KIAA1958: variants seen among roughly 807,000 people sequenced by gnomAD.
The protein encoded by KIAA1958 is KIAA1958, also known as uncharacterized protein KIAA1958.
KIAA1958 carries 14 observed loss-of-function variants against 47.2 expected under a neutral mutation model. That is an observed-to-expected ratio of 0.30 (90% CI 0.20 to 0.46). KIAA1958 has a LOEUF of 0.46. Ranked by LOEUF, KIAA1958 falls within the 20% of genes least tolerant of loss-of-function variation. The pLI is 1.00. For synonymous variants in KIAA1958, 354 were observed against 353.3 expected, an observed-to-expected ratio of 1.00 and a Z score of -0.02; for missense variants, 803 against 909.2, an observed-to-expected ratio of 0.88 and a Z score of 1.50.
chr9:112,614,011 A>G (rs1588040269), intron 2 of KIAA1958, among the ~76,000 whole-genome samples: 5 of 152,342 alleles, frequency 3.3e-5, no homozygotes, highest in Admixed American at 2.0e-4. Context: ...AACTAATAGA[A>G]TGCAATGTCC....
chr9:112,644,842 A>G (rs1294225391), intron 2 of KIAA1958, among the ~76,000 whole-genome samples: 1 of 152,100 alleles, frequency 6.6e-6, no homozygotes, highest in African/African-American at 2.4e-5. Flanking sequence ...TAAAAAAAAA[A>G]TGCTAACACA....
chr9:112,628,293 T>G (rs1166317229), intron 2 of KIAA1958, among the ~76,000 whole-genome samples: 1 of 152,202 alleles, frequency 6.6e-6, no homozygotes, highest in African/African-American at 2.4e-5. Flanking sequence ...ATGCTGTATT[T>G]GGACACATTG....
chr9:112,634,323 G>A (rs1296032579), intron 2 of KIAA1958, among the ~76,000 whole-genome samples: 1 of 152,170 alleles, frequency 6.6e-6, no homozygotes, highest in South Asian at 2.1e-4. Flanking sequence ...CTACTTCCTG[G>A]GTTCAAGCGA....
intron 2 of KIAA1958, among the ~76,000 whole-genome samples, chr9:112,583,862 G>A (rs1257597735): frequency 1.3e-5 from 2 of 152,140 alleles, no homozygotes; most frequent in Non-Finnish European, 2.9e-5. Flanking sequence ...TACATGGGAA[G>A]CTTAAACTGT....
At chr9:112,564,997 A>G (rs1268292033) in intron 1 of KIAA1958, among the ~76,000 whole-genome samples, 1 of 152,244 alleles carries the variant, frequency 6.6e-6, no homozygotes, top group Non-Finnish European at 1.5e-5. Flanking sequence ...GTGATGAGTC[A>G]TAACAGTGCT....
In KIAA1958 at chr9:112,661,451, A is replaced by C. The variant is rs1004764930; in HGVS notation, c.*1382A>C. 1.3e-5 allele frequency: 2 copies of C among 152,212 alleles called. No homozygotes were observed. Among genetic ancestry groups the C allele is most frequent in the Non-Finnish European group, 2.9e-5 (2 of 68,036 alleles). 9.4% of individuals were successfully genotyped at this position (152,212 alleles called of 1,614,324 possible). A position where few individuals can be genotyped will look rare whatever the true frequency, so the allele number is the denominator to read the frequency against. On this transcript the variant is annotated 3_prime_UTR_variant, in exon 4 of 4. Coordinates refer to ENST00000337530, the MANE Select transcript of KIAA1958 (RefSeq NM_133465.4). ...GGAAAATCTTGTGTAACTTTATTCC[A>C]TTATGCTCCTAATATGCTTTCTAAT...
intron 1 of KIAA1958, among the ~76,000 whole-genome samples, chr9:112,515,708 C>T (rs1254073643): frequency 1.3e-5 from 1 of 79,922 alleles, no homozygotes; most frequent in Non-Finnish European, 2.5e-5. Context: ...AGAGTCATCA[C>T]CAATCCCTAA....
chr9:112,578,621 G>A (rs907238593), intron 2 of KIAA1958, among the ~76,000 whole-genome samples: 1 of 152,140 alleles, frequency 6.6e-6, no homozygotes, highest in South Asian at 2.1e-4. Flanking sequence ...CCCTACTTCT[G>A]TTCAGAGCTG....
Position 112,588,948 on chromosome 9 carries a change from TA to T in KIAA1958, c.1171+13710del, listed in dbSNP as rs796644924. Among the ~76,000 whole-genome samples, 322 of 141,886 alleles carry T rather than the reference TA, an allele frequency of 2.3e-3. 2 individuals carry two copies. Among genetic ancestry groups the T allele is most frequent in the Middle Eastern group, 3.6e-3 (1 of 278 alleles). 93.1% of individuals were successfully genotyped at this position (141,886 alleles called of 152,430 possible). On this transcript the variant is annotated intron_variant, in intron 2 of 3. Coordinates refer to ENST00000337530, the MANE Select transcript of KIAA1958 (RefSeq NM_133465.4). ...GAAAATTTCTTTCCTCTAATATGAC[TA>T]AAAAAAAAAAAATACAGGTCAGATC... is the stretch of plus-strand genomic sequence containing the variant.
chr9:112,637,301 CT>C (rs1467326256), intron 2 of KIAA1958, among the ~76,000 whole-genome samples: 19 of 152,116 alleles, frequency 1.2e-4, no homozygotes, highest in African/African-American at 4.6e-4. Context: ...GAACATCTGT[CT>C]TTATTTTTTA....
chr9:112,564,306 C>A (rs1835389810), intron 1 of KIAA1958, among the ~76,000 whole-genome samples: 1 of 152,136 alleles, frequency 6.6e-6, no homozygotes, highest in Admixed American at 6.5e-5. Flanking sequence ...CTTTTGTAGG[C>A]ATATAGTTAC....
chr9:112,658,833 A>C (rs1157395418), intron 3 of KIAA1958, among the ~76,000 whole-genome samples: 2 of 149,480 alleles, frequency 1.3e-5, no homozygotes, highest in Non-Finnish European at 2.9e-5. Flanking sequence ...ATCCTGGCTA[A>C]CACTGTGAAA....
intron 2 of KIAA1958, among the ~76,000 whole-genome samples, chr9:112,604,896 T>C (rs920878633): frequency 1.0e-4 from 15 of 147,940 alleles, no homozygotes; most frequent in African/African-American, 2.9e-4. Context: ...TATATATATA[T>C]AATAAATATT....
At chr9:112,633,894 C>T (rs891296545) in intron 2 of KIAA1958, among the ~76,000 whole-genome samples, 2 of 151,916 alleles carry the variant, frequency 1.3e-5, no homozygotes, top group African/African-American at 4.8e-5. Flanking sequence ...AGGGTTATTT[C>T]CAGTTTGAGG....
intron 2 of KIAA1958, among the ~76,000 whole-genome samples, chr9:112,609,378 T>G (rs1360556171): frequency 1.3e-5 from 2 of 152,110 alleles, no homozygotes; most frequent in African/African-American, 4.8e-5. Context: ...ACTAGTATAG[T>G]TTAAAGGACA....
At chr9:112,500,857 C>T (rs890904261) in intron 1 of KIAA1958, among the ~76,000 whole-genome samples, 1 of 151,452 alleles carries the variant, frequency 6.6e-6, no homozygotes, top group Admixed American at 6.6e-5. Context: ...ACCTGTAATC[C>T]CAGTATTTTG....
chr9:112,585,619 G>A (rs1835811316), intron 2 of KIAA1958, among the ~76,000 whole-genome samples: 1 of 152,188 alleles, frequency 6.6e-6, no homozygotes, highest in Non-Finnish European at 1.5e-5. Context: ...TTTATAGGGT[G>A]ACAGTAATCC....
intron 1 of KIAA1958, among the ~76,000 whole-genome samples, chr9:112,571,792 A>AAAT (rs1835539583): frequency 2.0e-5 from 3 of 151,260 alleles, no homozygotes; most frequent in Admixed American, 6.6e-5. Flanking sequence ...TAAAAAATAA[A>AAAT]AAATAAATAA....
rs753038260 is a variant in KIAA1958, at chr9:112,645,671, A to C, written c.1193A>C (p.Lys398Thr). 1.2e-6 allele frequency: 2 copies of C among 1,606,236 alleles called. No individual in the cohort carries two copies. The highest frequency in any genetic ancestry group is 1.7e-6 in the Non-Finnish European group (2 of 1,176,538). Residue 398 changes from lysine to threonine, a missense_variant, in exon 3 of 4, where the codon AAA becomes ACA. This residue lies in a region of KIAA1958 where 761 missense variants were observed against 829.3 expected (regional missense o/e 0.92). Transcript: ENST00000337530. The part of the protein sequence containing the change: ...CIPAYSTKLN[K>T]FPVFNINDDL... ...CTAGCTTATTCCACTAAGCTCAACA[A>C]ATTTCCTGTATTTAATATTAATGAT...
Sources: allele counts gnomAD v4.1 joint callset (sites outside exome capture counted in the v4.1 genomes callset), GRCh38; gene constraint gnomAD v4.1.1; regional missense constraint gnomAD v4.1.1; transcripts MANE v1.5; gene names NCBI Gene and HGNC (gene_info 2026-07-23, HGNC 2026-07-21).